RASAL2: variants seen among roughly 807,000 people sequenced by gnomAD.
The protein encoded by RASAL2 is RAS protein activator like 2.
In RASAL2, 58 loss-of-function variants were observed where a neutral mutation model predicts 128.9. That is an observed-to-expected ratio of 0.45 (90% CI 0.36 to 0.56). RASAL2 has a LOEUF of 0.56. Ranked by LOEUF, RASAL2 falls within the 20% of genes least tolerant of loss-of-function variation. The pLI is 0.00. For missense variants in RASAL2, 1,360 were observed against 1,601.6 expected (o/e 0.85, Z 2.57); for synonymous variants, 561 against 580.8 (o/e 0.97, Z 0.49).
At chr1:178,370,009 A>C (rs976387250) in intron 3 of RASAL2, among the ~76,000 whole-genome samples, 1 of 152,210 alleles carries the variant, frequency 6.6e-6, no homozygotes, top group Non-Finnish European at 1.5e-5. Context: ...TCAAGGGAAC[A>C]GTTCAATATT....
intron 3 of RASAL2, among the ~76,000 whole-genome samples, chr1:178,352,042 T>C (rs1670539500): frequency 6.6e-6 from 1 of 152,236 alleles, no homozygotes; most frequent in African/African-American, 2.4e-5. Flanking sequence ...ATCAGAATTG[T>C]CTATTTCAGA....
chr1:178,294,756 T>A (rs1667420167), intron 2 of RASAL2, among the ~76,000 whole-genome samples: 1 of 152,210 alleles, frequency 6.6e-6, no homozygotes, highest in African/African-American at 2.4e-5. Context: ...GGTGCTGTAA[T>A]CTGGAGGCCA....
At chr1:178,094,824 T>A (rs1658612814) in intron 1 of RASAL2, 130 bp downstream of exon 1, 1 of 1,132,364 alleles carries the variant, frequency 8.8e-7, no homozygotes, top group East Asian at 2.6e-5. Flanking sequence ...CCCTTTTTGT[T>A]CTGGGGGTGC....
chr1:178,162,243 G>T (rs985636345), intron 1 of RASAL2, among the ~76,000 whole-genome samples: 19 of 143,842 alleles, frequency 1.3e-4, no homozygotes, highest in Admixed American at 3.6e-4. Flanking sequence ...GGGATTACAG[G>T]CGTGAGCCAC....
intron 1 of RASAL2, among the ~76,000 whole-genome samples, chr1:178,156,621 A>G (rs1284679001): frequency 6.6e-6 from 1 of 152,314 alleles, no homozygotes. Context: ...ACTAAAGTGT[A>G]TACTTCTTTT....
chr1:178,264,990 A>C (rs1665878098), intron 1 of RASAL2, among the ~76,000 whole-genome samples: 1 of 152,146 alleles, frequency 6.6e-6, no homozygotes, highest in Non-Finnish European at 1.5e-5. Flanking sequence ...TGAATAACAA[A>C]AGATGCTTCT....
intron 2 of RASAL2, among the ~76,000 whole-genome samples, chr1:178,287,863 T>C (rs1021075349): frequency 1.3e-5 from 2 of 152,102 alleles, no homozygotes; most frequent in Admixed American, 6.5e-5. Context: ...GATAAAAGAC[T>C]GCATATTGGG....
In RASAL2 at chr1:178,477,913, T is replaced by G. The variant is rs1304503632; in HGVS notation, c.*4674T>G. 1 of 152,196 alleles carries G rather than the reference T, an allele frequency of 6.6e-6. No individual in the cohort carries two copies. The highest frequency in any genetic ancestry group is 1.5e-5 in the Non-Finnish European group (1 of 68,026). 9.4% of individuals were successfully genotyped at this position (152,196 alleles called of 1,614,324 possible). A position where few individuals can be genotyped will look rare whatever the true frequency, so the allele number is the denominator to read the frequency against. ...TCATTATTGATACCATGGGGAATCA[T>G]AGAAATAAAGTTGAATATCATTGAT... On this transcript the variant is annotated 3_prime_UTR_variant, in exon 18 of 18. Coordinates refer to ENST00000367649, the MANE Select transcript of RASAL2 (RefSeq NM_170692.4).
chr1:178,411,980 C>A, intron 4 of RASAL2: 1 of 566,038 alleles, frequency 1.8e-6, no homozygotes. Flanking sequence ...TGACGGCACC[C>A]ACAGGAAGTG....
At chr1:178,395,736 G>A (rs1239682888) in intron 4 of RASAL2, among the ~76,000 whole-genome samples, 2 of 146,862 alleles carry the variant, frequency 1.4e-5, no homozygotes, top group Non-Finnish European at 3.0e-5. Context: ...ATCCATAATA[G>A]GATCGCCCTC....
intron 3 of RASAL2, among the ~76,000 whole-genome samples, chr1:178,315,242 A>G (rs1338453218): frequency 3.3e-5 from 5 of 149,790 alleles, no homozygotes; most frequent in Admixed American, 2.0e-4. Context: ...TAATGCCGCA[A>G]TAACCATACA....
In RASAL2 at chr1:178,398,766, A is replaced by G. The variant is rs542722259; in HGVS notation, c.564+8560A>G. Reference sequence around the variant, plus strand: ...CTTCAGTTCCCAGGGCCAAAACCCTAAGAGTCATAATATACTCTTCCCCTT... The same window carrying G: ...CTTCAGTTCCCAGGGCCAAAACCCTGAGAGTCATAATATACTCTTCCCCTT... On this transcript the variant is annotated intron_variant, in intron 4 of 17. Coordinates refer to ENST00000367649, the MANE Select transcript of RASAL2 (RefSeq NM_170692.4). Among the ~76,000 whole-genome samples the G allele has an allele frequency of 2.6e-5, 4 of 152,300 alleles. No individual in the cohort carries two copies. In the South Asian group the frequency reaches 8.3e-4, roughly 32 times the overall value.
At chr1:178,258,811 G>T (rs1665511767) in intron 1 of RASAL2, among the ~76,000 whole-genome samples, 2 of 152,116 alleles carry the variant, frequency 1.3e-5, no homozygotes, top group Admixed American at 1.3e-4. Context: ...ATACATGAAT[G>T]TTTATAGCCG....
intron 1 of RASAL2, among the ~76,000 whole-genome samples, chr1:178,226,368 A>AAG (rs1302175828): frequency 6.6e-6 from 1 of 152,148 alleles, no homozygotes; most frequent in Non-Finnish European, 1.5e-5. Flanking sequence ...GAAAAGAAAA[A>AAG]CATACAAATG....
chr1:178,371,321 C>CA (rs1557936896), intron 3 of RASAL2, among the ~76,000 whole-genome samples: 31 of 127,360 alleles, frequency 2.4e-4, no homozygotes, highest in African/African-American at 9.4e-4. Flanking sequence ...AGCCTTCTTT[C>CA]CCACACACAC....
chr1:178,303,954 G>C (rs901468482), intron 3 of RASAL2, among the ~76,000 whole-genome samples: 25 of 152,090 alleles, frequency 1.6e-4, no homozygotes, highest in African/African-American at 5.8e-4. Flanking sequence ...CATGAATAGT[G>C]ATTGGGAGAA....
At chr1:178,285,760 A>G (rs986848080) in intron 2 of RASAL2, among the ~76,000 whole-genome samples, 19 of 152,216 alleles carry the variant, frequency 1.2e-4, no homozygotes, top group African/African-American at 4.6e-4. Flanking sequence ...AGCTATTAGT[A>G]AGGAGTAATA....
intron 4 of RASAL2, among the ~76,000 whole-genome samples, chr1:178,393,216 AT>A (rs1673015059): frequency 6.6e-6 from 1 of 152,184 alleles, no homozygotes; most frequent in Non-Finnish European, 1.5e-5. Flanking sequence ...AGTGCATTAC[AT>A]TTATTGTGCA....
chr1:178,332,164 A>G (rs1056678787), intron 3 of RASAL2, among the ~76,000 whole-genome samples: 1 of 152,156 alleles, frequency 6.6e-6, no homozygotes, highest in African/African-American at 2.4e-5. Context: ...CCCACTAGTA[A>G]TAGAATTTTT....
Sources: allele counts gnomAD v4.1 joint callset (sites outside exome capture counted in the v4.1 genomes callset), GRCh38; gene constraint gnomAD v4.1.1; transcripts MANE v1.5; gene names NCBI Gene and HGNC (gene_info 2026-07-23, HGNC 2026-07-21).